The following PTPRD variants were observed in gnomAD, a reference collection of about 807,000 sequenced individuals.
PTPRD encodes the protein protein tyrosine phosphatase receptor type D.
A neutral mutation model predicts 214.5 loss-of-function variants in PTPRD; 34 were observed. That is an observed-to-expected ratio of 0.16 (90% CI 0.12 to 0.21). The LOEUF (loss-of-function observed/expected upper bound fraction) is 0.21. PTPRD is among the 10% of genes least tolerant of loss of function. The pLI, the probability that PTPRD is intolerant of heterozygous loss-of-function variation, is 1.00. For missense variants in PTPRD, 2,545 were observed against 2,398.7 expected, an observed-to-expected ratio of 1.06 and a Z score of -1.27; for synonymous variants, 1,128 against 845.7, an observed-to-expected ratio of 1.33 and a Z score of -5.79.
At chr9:10,538,951 T>A (rs1288417938) in intron 2 of PTPRD, among the ~76,000 whole-genome samples, 1 of 152,160 alleles carries the variant, frequency 6.6e-6, no homozygotes, top group Non-Finnish European at 1.5e-5. Flanking sequence ...AGTTACACAG[T>A]CATTTCCTGG....
At chr9:8,330,588 T>C (rs1003447497) in intron 44 of PTPRD, among the ~76,000 whole-genome samples, 1 of 151,882 alleles carries the variant, frequency 6.6e-6, no homozygotes, top group East Asian at 1.9e-4. Flanking sequence ...CAAATGTACA[T>C]AGATAAAGGT....
intron 12 of PTPRD, among the ~76,000 whole-genome samples, chr9:8,709,078 G>A (rs1348639042): frequency 6.6e-6 from 1 of 152,112 alleles, no homozygotes; most frequent in Non-Finnish European, 1.5e-5. Context: ...TGGAATAGTG[G>A]CTATCAGAGG....
chr9:8,726,594 T>A (rs1299297678), intron 12 of PTPRD, among the ~76,000 whole-genome samples: 4,540 of 6,914 alleles, frequency 0.66, 1,497 homozygotes, highest in African/African-American at 0.74. Context: ...AAAAAATATA[T>A]ATATATATAT....
At chr9:8,495,535 G>A (rs559740585) in intron 26 of PTPRD, among the ~76,000 whole-genome samples, 1 of 152,280 alleles carries the variant, frequency 6.6e-6, no homozygotes, top group African/African-American at 2.4e-5. Flanking sequence ...CATTTAGTAG[G>A]TTGTGAAATC....
intron 8 of PTPRD, among the ~76,000 whole-genome samples, chr9:9,495,092 T>C (rs2096110674): frequency 6.6e-6 from 1 of 152,090 alleles, no homozygotes; most frequent in Non-Finnish European, 1.5e-5. Context: ...TAAATGGTAC[T>C]GGGAAGACTA....
intron 2 of PTPRD, among the ~76,000 whole-genome samples, chr9:10,459,124 C>A (rs977091953): frequency 3.3e-5 from 5 of 152,166 alleles, no homozygotes; most frequent in Non-Finnish European, 7.3e-5. Flanking sequence ...GTTCAGCTCC[C>A]ACTCATGAGT....
chr9:9,467,588 C>CAAAAAAATAATAAAAAAAA (rs2094287717), intron 8 of PTPRD, among the ~76,000 whole-genome samples: 1 of 55,954 alleles, frequency 1.8e-5, no homozygotes, highest in African/African-American at 6.6e-5. Flanking sequence ...CTCCATCTCC[C>CAAAAAAATAATAAAAAAAA]AAAAAAAAAA....
At chr9:8,983,106 T>G (rs1028053099) in intron 11 of PTPRD, among the ~76,000 whole-genome samples, 1 of 152,112 alleles carries the variant, frequency 6.6e-6, no homozygotes. Context: ...TTTTCTTTAG[T>G]CTGTTTTCAT....
chr9:8,558,615 G>C (rs2084919195), intron 14 of PTPRD, among the ~76,000 whole-genome samples: 1 of 152,220 alleles, frequency 6.6e-6, no homozygotes, highest in Non-Finnish European at 1.5e-5. Context: ...TGGCAGGCCA[G>C]ATGAAGCCTA....
chr9:9,110,495 C>G (rs1214555143), intron 10 of PTPRD, among the ~76,000 whole-genome samples: 1 of 152,070 alleles, frequency 6.6e-6, no homozygotes, highest in Non-Finnish European at 1.5e-5. Context: ...TCAGTATGCT[C>G]CAAATGTGAC....
At chr9:10,367,854 G>A (rs1283596381) in intron 2 of PTPRD, among the ~76,000 whole-genome samples, 1 of 151,878 alleles carries the variant, frequency 6.6e-6, no homozygotes, top group Non-Finnish European at 1.5e-5. Flanking sequence ...ACCTCCTTGT[G>A]TTTTAGCTCC....
intron 31 of PTPRD, among the ~76,000 whole-genome samples, chr9:8,466,993 A>ACAGT (rs1283709603): frequency 1.3e-5 from 2 of 151,896 alleles, no homozygotes; most frequent in African/African-American, 4.8e-5. Flanking sequence ...ATCGTACGTT[A>ACAGT]CAGTCCCTCC....
At chr9:9,049,663 T>G (rs977543161) in intron 10 of PTPRD, among the ~76,000 whole-genome samples, 10 of 151,968 alleles carry the variant, frequency 6.6e-5, no homozygotes, top group African/African-American at 2.4e-4. Flanking sequence ...GTGTAGAGGT[T>G]GTGGGGTTTT....
chr9:10,211,218 C>A (rs1482359109), intron 3 of PTPRD, among the ~76,000 whole-genome samples: 1 of 151,834 alleles, frequency 6.6e-6, no homozygotes, highest in Non-Finnish European at 1.5e-5. Flanking sequence ...AAGTTCATAG[C>A]AACAGAAATA....
intron 9 of PTPRD, among the ~76,000 whole-genome samples, chr9:9,320,736 A>T (rs1037377358): frequency 1.3e-5 from 2 of 152,174 alleles, no homozygotes; most frequent in South Asian, 4.1e-4. Context: ...AATCCAGTAG[A>T]CATTTCCATG....
At chr9:10,325,922 T>C (rs963184794) in intron 3 of PTPRD, among the ~76,000 whole-genome samples, 11 of 151,852 alleles carry the variant, frequency 7.2e-5, no homozygotes, top group African/African-American at 2.7e-4. Context: ...TACACCCCAC[T>C]GTAATAATTT....
At chr9:8,636,485 C>T (rs1177882281) in intron 13 of PTPRD, among the ~76,000 whole-genome samples, 1 of 152,084 alleles carries the variant, frequency 6.6e-6, no homozygotes, top group Non-Finnish European at 1.5e-5. Context: ...TACTATTGAG[C>T]CCTGGCACAA....
At chr9:9,882,513 G>C (rs541175631) in intron 5 of PTPRD, among the ~76,000 whole-genome samples, 2 of 152,080 alleles carry the variant, frequency 1.3e-5, no homozygotes, top group Non-Finnish European at 2.9e-5. Context: ...CTCTACTTTA[G>C]AAGTTCTAGG....
intron 3 of PTPRD, among the ~76,000 whole-genome samples, chr9:10,077,498 T>C (rs2098152029): frequency 6.6e-6 from 1 of 152,138 alleles, no homozygotes; most frequent in Non-Finnish European, 1.5e-5. Context: ...ATTTATTACT[T>C]TTTTTAACTT....
Sources: allele counts gnomAD v4.1 joint callset (sites outside exome capture counted in the v4.1 genomes callset), GRCh38; gene constraint gnomAD v4.1.1; transcripts MANE v1.5; gene names NCBI Gene and HGNC (gene_info 2026-07-23, HGNC 2026-07-21).